CACNA1A: variants seen among roughly 807,000 people sequenced by gnomAD.
CACNA1A encodes the protein calcium voltage-gated channel subunit alpha1 A.
In CACNA1A, 57 loss-of-function variants were observed where a neutral mutation model predicts 262.4. That is an observed-to-expected ratio of 0.22 (90% CI 0.18 to 0.27). CACNA1A has a LOEUF of 0.27. Among genes scored for constraint, CACNA1A ranks in the 10% least tolerant of loss-of-function variants. CACNA1A has a pLI of 1.00. For synonymous variants in CACNA1A, 1,431 were observed against 1,419.3 expected, an observed-to-expected ratio of 1.01 and a Z score of -0.18; for missense variants, 2,526 against 3,562.8, an observed-to-expected ratio of 0.71 and a Z score of 7.41.
At chr19:13,503,807 T>C (rs1003624131) in intron 1 of CACNA1A, among the ~76,000 whole-genome samples, 1 of 152,028 alleles carries the variant, frequency 6.6e-6, no homozygotes, top group African/African-American at 2.4e-5. Flanking sequence ...GAGAGCATAA[T>C]GCACAAACTC....
chr19:13,498,983 G>C (rs565204759), intron 1 of CACNA1A, among the ~76,000 whole-genome samples: 75 of 152,114 alleles, frequency 4.9e-4, no homozygotes, highest in Non-Finnish European at 9.7e-4. Context: ...GCCCACTCAT[G>C]GTTCCCTCGC....
At chr19:13,233,054 TA>T (rs201457817) in intron 34 of CACNA1A, among the ~76,000 whole-genome samples, 1,422 of 134,852 alleles carry the variant, frequency 0.011, 5 homozygotes, top group Admixed American at 0.019. Context: ...TGTCTCAGAT[TA>T]AAAAAAAAAA....
intron 24 of CACNA1A, among the ~76,000 whole-genome samples, chr19:13,264,282 TATCCCC>T (rs896044583): frequency 5.9e-5 from 9 of 152,296 alleles, no homozygotes; most frequent in African/African-American, 1.9e-4. Context: ...GCCTGCCCTC[TATCCCC>T]ATCCCCATCC....
At chr19:13,351,790 G>A (rs111418768) in intron 6 of CACNA1A, among the ~76,000 whole-genome samples, 39,864 of 151,972 alleles carry the variant, frequency 0.26, 5,959 homozygotes, top group East Asian at 0.63. Flanking sequence ...TTACAGGCGT[G>A]AGCCACCGCA....
At chr19:13,209,798 C>G (rs2054736104) in intron 44 of CACNA1A, among the ~76,000 whole-genome samples, 1 of 152,198 alleles carries the variant, frequency 6.6e-6, no homozygotes, top group Admixed American at 6.5e-5. Context: ...CTCTCCAGTC[C>G]TGGGGGCCCA....
At chr19:13,502,992 T>C (rs562269205) in intron 1 of CACNA1A, among the ~76,000 whole-genome samples, 3 of 152,242 alleles carry the variant, frequency 2.0e-5, no homozygotes, top group Non-Finnish European at 4.4e-5. Flanking sequence ...CATTTCCAAA[T>C]ACACATCCCA....
chr19:13,305,569 T>C (rs2057882293), intron 15 of CACNA1A, among the ~76,000 whole-genome samples: 1 of 152,196 alleles, frequency 6.6e-6, no homozygotes, highest in Admixed American at 6.5e-5. Context: ...CAGATTATTC[T>C]ATTTGGGGCT....
intron 12 of CACNA1A, among the ~76,000 whole-genome samples, chr19:13,309,962 G>A (rs1305851608): frequency 6.6e-6 from 1 of 152,072 alleles, no homozygotes; most frequent in African/African-American, 2.4e-5. Flanking sequence ...CTGTCCCCAT[G>A]AGCAGTTACT....
intron 6 of CACNA1A, among the ~76,000 whole-genome samples, chr19:13,344,740 A>T (rs5827190): frequency 0.03 from 264 of 8,744 alleles, no homozygotes; most frequent in East Asian, 0.19. Context: ...CATTTATTTT[A>T]TTTATTTATT....
At chr19:13,231,625 A>G in intron 35 of CACNA1A, 85 bp downstream of exon 35, 1 of 1,399,570 alleles carries the variant, frequency 7.1e-7, no homozygotes. Flanking sequence ...CCTTCGACAC[A>G]GCCACATTCC....
chr19:13,331,673 C>CTT (rs112950431), intron 9 of CACNA1A, among the ~76,000 whole-genome samples: 108 of 151,352 alleles, frequency 7.1e-4, no homozygotes, highest in Admixed American at 3.6e-3. Flanking sequence ...TCTCTAAATT[C>CTT]TTTTTTTTTC....
At chr19:13,283,054 CA>C (rs1027711568) in intron 22 of CACNA1A, among the ~76,000 whole-genome samples, 2 of 152,232 alleles carry the variant, frequency 1.3e-5, no homozygotes, top group African/African-American at 4.8e-5. Flanking sequence ...ACCTCCACCC[CA>C]CCAGGCTCAC....
intron 24 of CACNA1A, among the ~76,000 whole-genome samples, chr19:13,265,722 G>A (rs7250783): frequency 0.22 from 32,807 of 151,988 alleles, 3,897 homozygotes; most frequent in Non-Finnish European, 0.26. Context: ...CTGCTTTTGC[G>A]AGAAAGGAAG....
intron 1 of CACNA1A, among the ~76,000 whole-genome samples, chr19:13,459,386 C>A (rs780941414): frequency 2.6e-5 from 4 of 152,176 alleles, no homozygotes; most frequent in Non-Finnish European, 5.9e-5. Context: ...GAAAACCAGG[C>A]TTCCTTTTGT....
At chr19:13,245,819 A>C (rs938185139) in intron 30 of CACNA1A, among the ~76,000 whole-genome samples, 4 of 151,916 alleles carry the variant, frequency 2.6e-5, no homozygotes, top group Admixed American at 1.3e-4. Context: ...CCACAGGTGC[A>C]TGCCACCACA....
chr19:13,384,398 A>G (rs1336832261), intron 3 of CACNA1A, among the ~76,000 whole-genome samples: 3 of 152,162 alleles, frequency 2.0e-5, no homozygotes, highest in Non-Finnish European at 4.4e-5. Context: ...CTGACAGTCA[A>G]GTTCAAAAGC....
intron 3 of CACNA1A, among the ~76,000 whole-genome samples, chr19:13,406,468 TATATATATATA>T (rs2060007369): frequency 7.3e-5 from 1 of 13,792 alleles, no homozygotes; most frequent in South Asian, 2.2e-3. Context: ...AAAAAAATTA[TATATATATATA>T]TATATATATA....
At position 13,371,685 on chromosome 19, in the gene CACNA1A, C is replaced by T; in HGVS notation, c.631+3G>A. On this transcript the variant is annotated splice_donor_region_variant and intron_variant, in intron 4 of 46. Coordinates refer to ENST00000360228, the MANE Select transcript of CACNA1A (RefSeq NM_001127222.2). ...CCCTTGTCAGGGTCGGAAACTCACG[C>T]ACTTGGGATTCCAGACACCAGCTTG... The T allele has an allele frequency of 6.4e-7, 1 of 1,567,220 alleles. No individual in the cohort carries two copies. Among genetic ancestry groups the T allele is most frequent in the Non-Finnish European group, 8.7e-7 (1 of 1,155,686 alleles).
At chr19:13,335,762 A>G in intron 7 of CACNA1A, 44 bp downstream of exon 7, 1 of 1,246,222 alleles carries the variant, frequency 8.0e-7, no homozygotes, top group Non-Finnish European at 1.2e-6. Context: ...AGAAGTTAGC[A>G]AAGAGGAGTG....
Sources: allele counts gnomAD v4.1 joint callset (sites outside exome capture counted in the v4.1 genomes callset), GRCh38; gene constraint gnomAD v4.1.1; transcripts MANE v1.5; gene names NCBI Gene and HGNC (gene_info 2026-07-23, HGNC 2026-07-21).